MCC: variants seen among roughly 807,000 people sequenced by gnomAD.
The protein encoded by MCC is MCC regulator of Wnt signaling pathway.
In MCC, 90 loss-of-function variants were observed where a neutral mutation model predicts 116.2. That is an observed-to-expected ratio of 0.77 (90% CI 0.65 to 0.92). The LOEUF is 0.92. Ranked by LOEUF, MCC falls within the 40% of genes least tolerant of loss-of-function variation. MCC has a pLI of 0.00. For synonymous variants in MCC, 578 were observed against 510.5 expected, an observed-to-expected ratio of 1.13 and a Z score of -1.78; for missense variants, 1,516 against 1,312.2, an observed-to-expected ratio of 1.16 and a Z score of -2.40.
At chr5:113,286,162 G>A (rs1301260218) in intron 3 of MCC, among the ~76,000 whole-genome samples, 1 of 152,176 alleles carries the variant, frequency 6.6e-6, no homozygotes, top group Non-Finnish European at 1.5e-5. Context: ...TAAGTATTCT[G>A]AACACAGATA....
At chr5:113,070,225 C>G (rs1229821558) in intron 12 of MCC, among the ~76,000 whole-genome samples, 1 of 152,188 alleles carries the variant, frequency 6.6e-6, no homozygotes, top group Non-Finnish European at 1.5e-5. Flanking sequence ...CAATACCGAA[C>G]TTTTTAGAGG....
rs183420969 is a variant in MCC at position 113,059,017 on chromosome 5, C to T, written c.2213+4967G>A. On this transcript the variant is annotated intron_variant, in intron 14 of 18. Coordinates refer to ENST00000408903, the MANE Select transcript of MCC (RefSeq NM_001085377.2). ...CTTGAGAAATCACCTAGCCCTAACA[C>T]GAACGCAGGCAGGCAGAGACTGACA... Among the ~76,000 whole-genome samples, 245 of 152,280 alleles carry T rather than the reference C, an allele frequency of 1.6e-3. 2 individuals carry two copies. The highest frequency in any genetic ancestry group is 5.6e-3 in the African/African-American group (232 of 41,552).
rs755285810 is a variant in MCC at position 113,434,295 on chromosome 5, G to A, written c.171-49083C>T. ...AATGCCCTGCAGCACCTCTGGGGCC[G>A]CATACGCTGGTGACCCACAGAAGGT... On this transcript the variant is annotated intron_variant, in intron 1 of 18. Transcript: ENST00000408903. This position sits in a 1 kb window ranked among gnomAD's most constrained non-coding sequence, Gnocchi z 4.2. 63 of 1,613,944 alleles carry A rather than the reference G, an allele frequency of 3.9e-5. No individual in the cohort carries two copies. The highest frequency in any genetic ancestry group is 1.6e-4 in the South Asian group (15 of 91,082).
intron 6 of MCC, among the ~76,000 whole-genome samples, chr5:113,106,689 T>A (rs10040400): frequency 0.55 from 83,957 of 151,602 alleles, 25,192 homozygotes; most frequent in African/African-American, 0.8. Context: ...CCTCCCAAGA[T>A]GCTGGGACTA....
At chr5:113,161,231 A>C (rs143956230) in intron 3 of MCC, among the ~76,000 whole-genome samples, 2 of 152,366 alleles carry the variant, frequency 1.3e-5, no homozygotes, top group African/African-American at 4.8e-5. Flanking sequence ...AGGGGGCTGC[A>C]TCCTAATGAC....
intron 3 of MCC, among the ~76,000 whole-genome samples, chr5:113,303,384 T>C (rs568200207): frequency 9.8e-5 from 15 of 152,328 alleles, no homozygotes; most frequent in East Asian, 5.8e-4. Context: ...CCAACTTTAA[T>C]TGCAGCTTAC....
At chr5:113,068,647 C>G (rs2150232591) in intron 12 of MCC, among the ~76,000 whole-genome samples, 1 of 152,368 alleles carries the variant, frequency 6.6e-6, no homozygotes, top group South Asian at 2.1e-4. Flanking sequence ...CTTGGTCACT[C>G]TCTCTCACTT....
chr5:113,274,702 C>T (rs1371516140), intron 3 of MCC, among the ~76,000 whole-genome samples: 1 of 152,114 alleles, frequency 6.6e-6, no homozygotes, highest in Admixed American at 6.5e-5. Flanking sequence ...GCCAGACTAG[C>T]ATTTTGGAAG....
intron 3 of MCC, among the ~76,000 whole-genome samples, chr5:113,247,157 G>A (rs1234437593): frequency 6.6e-6 from 1 of 152,214 alleles, no homozygotes; most frequent in Non-Finnish European, 1.5e-5. Flanking sequence ...AAGGTAGGGC[G>A]TATACTTGAA....
At chr5:113,260,183 A>G (rs1400209485) in intron 3 of MCC, among the ~76,000 whole-genome samples, 1 of 152,176 alleles carries the variant, frequency 6.6e-6, no homozygotes, top group African/African-American at 2.4e-5. Flanking sequence ...AAGGACCCTA[A>G]AGAGTTCTTG....
chr5:113,220,048 T>C (rs1226027137), intron 3 of MCC, among the ~76,000 whole-genome samples: 3 of 89,594 alleles, frequency 3.3e-5, no homozygotes, highest in Non-Finnish European at 8.8e-5. Flanking sequence ...GGAATCTGCA[T>C]GTCAATTTCT....
At chr5:113,215,782 T>C (rs796829432) in intron 3 of MCC, among the ~76,000 whole-genome samples, 32 of 152,356 alleles carry the variant, frequency 2.1e-4, no homozygotes, top group African/African-American at 7.7e-4. Context: ...GACTAGTTTC[T>C]GGTATCCCAT....
intron 3 of MCC, chr5:113,269,285 A>G: frequency 2.4e-6 from 2 of 817,306 alleles, no homozygotes; most frequent in Non-Finnish European, 3.0e-6. Flanking sequence ...AGGGAACCAG[A>G]GGCCAATGAA....
At chr5:113,375,591 G>A (rs759072602) in intron 2 of MCC, among the ~76,000 whole-genome samples, 2 of 152,182 alleles carry the variant, frequency 1.3e-5, no homozygotes, top group African/African-American at 2.4e-5. Flanking sequence ...TGTGACTATA[G>A]TCATCTGGTA....
At chr5:113,227,249 G>T (rs1005967590) in intron 3 of MCC, among the ~76,000 whole-genome samples, 1 of 152,158 alleles carries the variant, frequency 6.6e-6, no homozygotes, top group African/African-American at 2.4e-5. Flanking sequence ...TGTTTCTAGA[G>T]CAACTTCTAT....
At chr5:113,072,268 A>T (rs1169945559) in intron 11 of MCC, among the ~76,000 whole-genome samples, 2 of 152,248 alleles carry the variant, frequency 1.3e-5, no homozygotes, top group Non-Finnish European at 2.9e-5. Flanking sequence ...ATATGGAGAC[A>T]CTTGCCAACA....
At chr5:113,269,044 A>C in intron 3 of MCC, 1 of 458,646 alleles carries the variant, frequency 2.2e-6, no homozygotes, top group Non-Finnish European at 2.9e-6. Flanking sequence ...GTTAGAAACT[A>C]AGAAGGCAGC....
chr5:113,308,872 A>AAAGG (rs72039246), intron 3 of MCC, among the ~76,000 whole-genome samples: 8 of 151,596 alleles, frequency 5.3e-5, no homozygotes, highest in African/African-American at 7.3e-5. Flanking sequence ...GAAAAGAAGG[A>AAAGG]AAGGAAGGAA....
At chr5:113,433,348 C>T in intron 1 of MCC, 1 of 402,544 alleles carries the variant, frequency 2.5e-6, no homozygotes, top group South Asian at 2.2e-5. Flanking sequence ...ACGCAACTGC[C>T]CCGGGGACGA....
Sources: gnomAD v4.1 joint callset for allele counts (sites outside exome capture counted in the v4.1 genomes callset) on GRCh38, gnomAD v4.1.1 for gene constraint, Gnocchi (gnomAD v3.1) non-coding constraint, MANE v1.5 for transcripts, NCBI Gene and HGNC (gene_info 2026-07-23, HGNC 2026-07-21) for gene names.